FRAS1: variants seen among roughly 807,000 people sequenced by gnomAD.
The protein encoded by FRAS1 is Fraser extracellular matrix complex subunit 1, also known as extracellular matrix organizing protein FRAS1.
In FRAS1, 290 loss-of-function variants were observed where a neutral mutation model predicts 435.2. The ratio of observed to expected loss-of-function variants is 0.67; its 90% CI spans 0.61 to 0.73. The LOEUF is 0.73. Among genes scored for constraint, FRAS1 ranks in the 30% least tolerant of loss-of-function variants. The pLI is 0.00. For missense variants in FRAS1, 4,860 were observed against 5,001.5 expected, an observed-to-expected ratio of 0.97 and a Z score of 0.85; for synonymous variants, 1,800 against 1,851.0, an observed-to-expected ratio of 0.97 and a Z score of 0.71.
chr4:78,294,834 A>G (rs1252470400), intron 14 of FRAS1, among the ~76,000 whole-genome samples: 1 of 152,170 alleles, frequency 6.6e-6, no homozygotes. Context: ...CCAAATACCA[A>G]ATGAATTTAT....
intron 22 of FRAS1, among the ~76,000 whole-genome samples, chr4:78,364,560 G>A (rs575893987): frequency 4.4e-4 from 67 of 152,206 alleles, no homozygotes; most frequent in African/African-American, 1.3e-3. Flanking sequence ...TAGTTATTTG[G>A]ACTTGTATGG....
chr4:78,143,589 T>A (rs1443165937), intron 2 of FRAS1, among the ~76,000 whole-genome samples: 2 of 152,102 alleles, frequency 1.3e-5, no homozygotes, highest in Non-Finnish European at 2.9e-5. Flanking sequence ...ATAAAGCAAC[T>A]TTTAATTTCC....
rs1052894568 is a variant in FRAS1, at chr4:78,153,937, A to G, written c.109-83573A>G. ...CTTATTTCAAGATGTCTCTTGCCCAACTAGATAAAATTCTTTACTCTACAA... is the reference window on the plus strand; with the variant it reads ...CTTATTTCAAGATGTCTCTTGCCCAGCTAGATAAAATTCTTTACTCTACAA... On this transcript the variant is annotated intron_variant, in intron 2 of 73. Transcript: ENST00000512123. Among the ~76,000 whole-genome samples, 5 of 152,236 alleles carry G rather than the reference A, an allele frequency of 3.3e-5. No homozygotes were observed. In the East Asian group the frequency reaches 9.6e-4, roughly 29 times the overall value.
intron 2 of FRAS1, among the ~76,000 whole-genome samples, chr4:78,162,888 G>T (rs1338240243): frequency 2.0e-5 from 3 of 152,288 alleles, no homozygotes; most frequent in East Asian, 1.9e-4. Context: ...CAATAAGGTG[G>T]AATTATCTAA....
chr4:78,438,489 G>C, intron 38 of FRAS1, 81 bp from the exon 39 acceptor site: 2 of 1,346,490 alleles, frequency 1.5e-6, no homozygotes, highest in Non-Finnish European at 2.1e-6. Context: ...AGAGAGAGAA[G>C]CACCCATAGA....
At chr4:78,234,007 C>G (rs1724630523) in intron 2 of FRAS1, among the ~76,000 whole-genome samples, 1 of 152,338 alleles carries the variant, frequency 6.6e-6, no homozygotes, top group Admixed American at 6.5e-5. Flanking sequence ...CACCCTCCCT[C>G]TATTCCACAA....
intron 2 of FRAS1, among the ~76,000 whole-genome samples, chr4:78,067,962 GC>G (rs1439541649): frequency 2.0e-5 from 3 of 151,118 alleles, no homozygotes; most frequent in African/African-American, 7.3e-5. Context: ...ACAGGCATAA[GC>G]CACTGAGCCT....
intron 2 of FRAS1, among the ~76,000 whole-genome samples, chr4:78,092,717 A>C (rs1200873007): frequency 6.6e-6 from 1 of 152,184 alleles, no homozygotes. Context: ...TCCTAGGGAG[A>C]CATGGGCTTC....
At chr4:78,068,911 C>G (rs1740193477) in intron 2 of FRAS1, among the ~76,000 whole-genome samples, 1 of 145,354 alleles carries the variant, frequency 6.9e-6, no homozygotes, top group South Asian at 2.2e-4. Flanking sequence ...TCTCCACATG[C>G]CCTAGCGTTA....
chr4:78,212,693 C>CT (rs1190142126), intron 2 of FRAS1, among the ~76,000 whole-genome samples: 4 of 152,226 alleles, frequency 2.6e-5, no homozygotes, highest in African/African-American at 9.6e-5. Flanking sequence ...ATTTCCAACA[C>CT]TGAGCTTAGC....
At chr4:78,294,862 A>G (rs750019636) in intron 14 of FRAS1, among the ~76,000 whole-genome samples, 1 of 152,224 alleles carries the variant, frequency 6.6e-6, no homozygotes, top group African/African-American at 2.4e-5. Flanking sequence ...CCAAAAAAAA[A>G]TAATTAAAGT....
chr4:78,495,009 T>A (rs1443626823), intron 59 of FRAS1, among the ~76,000 whole-genome samples: 1 of 152,188 alleles, frequency 6.6e-6, no homozygotes, highest in Non-Finnish European at 1.5e-5. Context: ...GCATTATTCA[T>A]CTTTTGAATT....
chr4:78,255,435 T>A, intron 6 of FRAS1, 60 bp downstream of exon 6: 1 of 1,473,446 alleles, frequency 6.8e-7, no homozygotes, highest in Non-Finnish European at 9.1e-7. Context: ...TGGAGTCTCT[T>A]CTGAGATTAT....
chr4:78,516,769 C>T, intron 66 of FRAS1, among the ~76,000 whole-genome samples: 1 of 152,186 alleles, frequency 6.6e-6, no homozygotes, highest in East Asian at 1.9e-4. Context: ...ACCATCAGAT[C>T]TCATGAGAAC....
chr4:78,437,301 C>T (rs1047555706), intron 38 of FRAS1, among the ~76,000 whole-genome samples: 4 of 152,168 alleles, frequency 2.6e-5, no homozygotes, highest in Non-Finnish European at 5.9e-5. Flanking sequence ...AAGACAACAC[C>T]TTAAAACTCT....
At chr4:78,141,236 C>T (rs531066544) in intron 2 of FRAS1, among the ~76,000 whole-genome samples, 2 of 152,264 alleles carry the variant, frequency 1.3e-5, no homozygotes, top group Admixed American at 1.3e-4. Context: ...TGATGTTCCC[C>T]TCCCTGTGTC....
At chr4:78,241,752 A>G (rs1725012372) in intron 3 of FRAS1, among the ~76,000 whole-genome samples, 1 of 152,192 alleles carries the variant, frequency 6.6e-6, no homozygotes, top group Admixed American at 6.5e-5. Context: ...GGTTCATTGG[A>G]GTGTGGACAG....
chr4:78,423,356 G>A (rs1030074339), intron 34 of FRAS1, among the ~76,000 whole-genome samples: 3 of 151,842 alleles, frequency 2.0e-5, no homozygotes, highest in Non-Finnish European at 2.9e-5. Context: ...TAGTAGAGAC[G>A]GGGTTTCACC....
At chr4:78,468,188 A>G (rs1719591221) in intron 50 of FRAS1, among the ~76,000 whole-genome samples, 1 of 152,132 alleles carries the variant, frequency 6.6e-6, no homozygotes, top group Non-Finnish European at 1.5e-5. Flanking sequence ...GCTTTCTTGT[A>G]GTAGTTTCAT....
Sources: allele counts gnomAD v4.1 joint callset (sites outside exome capture counted in the v4.1 genomes callset), GRCh38; gene constraint gnomAD v4.1.1; transcripts MANE v1.5; gene names NCBI Gene and HGNC (gene_info 2026-07-23, HGNC 2026-07-21).